Variants in ZCCHC14 observed in about 807,000 individuals in gnomAD.
ZCCHC14 encodes zinc finger CCHC-type containing 14.
In ZCCHC14, 16 loss-of-function variants were observed where a neutral mutation model predicts 85.0. That is an observed-to-expected ratio of 0.19 (90% confidence interval 0.13 to 0.29). The LOEUF (loss-of-function observed/expected upper bound fraction) is 0.29. Among genes scored for constraint, ZCCHC14 ranks in the 10% least tolerant of loss-of-function variants. The pLI, the probability that ZCCHC14 is intolerant of heterozygous loss-of-function variation, is 1.00. For missense variants in ZCCHC14, 1,303 were observed against 1,443.5 expected (o/e 0.90, Z 1.58); for synonymous variants, 775 against 630.7 (o/e 1.23, Z -3.43).
At position 87,411,837 on chromosome 16, in the gene ZCCHC14, A is replaced by G. The variant is rs1234236737; in HGVS notation, c.2884T>C (p.Leu962=). Residue 962 remains leucine, a synonymous_variant, in exon 12 of 13, where the codon TTG becomes CTG. Transcript: ENST00000671377. ...CTGCTGCACATGGGACTGAAGGGCA[A>G]GAAGGGGAAGGTGAACACGGACGGA... ...SGPSVFTFPF[L]PFSPMCSSGY... 4.3e-6 allele frequency: 7 copies of G among 1,610,688 alleles called. No individual in the cohort carries two copies. Among genetic ancestry groups the G allele is most frequent in the African/African-American group, 2.7e-5 (2 of 74,860 alleles).
chr16:87,445,338 T>C (rs1181914481), intron 2 of ZCCHC14, among the ~76,000 whole-genome samples: 1 of 152,210 alleles, frequency 6.6e-6, no homozygotes, highest in African/African-American at 2.4e-5. Flanking sequence ...GTGCTGCGAT[T>C]ACAGGCGTGA....
At position 87,408,031 on chromosome 16, in the gene ZCCHC14, C is replaced by A. The variant is rs939819545; in HGVS notation, c.*2249G>T. On this transcript the variant is annotated 3_prime_UTR_variant, in exon 13 of 13. Transcript: ENST00000671377. Reference sequence around the variant, plus strand: ...AAGACGACTGGCAGCTCCGCAGAGGCCTTCGCTGCTGGGAACACAGCCGTG... The same window carrying A: ...AAGACGACTGGCAGCTCCGCAGAGGACTTCGCTGCTGGGAACACAGCCGTG... 5 of 152,650 alleles carry A rather than the reference C, an allele frequency of 3.3e-5. No homozygotes were observed. The highest frequency in any genetic ancestry group is 4.8e-5 in the African/African-American group (2 of 41,448). 9.5% of individuals were successfully genotyped at this position (152,650 alleles called of 1,614,324 possible). A position where few individuals can be genotyped will look rare whatever the true frequency, so the allele number is the denominator to read the frequency against.
intron 1 of ZCCHC14, among the ~76,000 whole-genome samples, chr16:87,466,491 G>A (rs1426251127): frequency 6.6e-6 from 1 of 152,218 alleles, no homozygotes; most frequent in Non-Finnish European, 1.5e-5. Flanking sequence ...CTCTCTGGCA[G>A]TTCGATGACA....
At chr16:87,430,646 C>G (rs1485704337) in intron 3 of ZCCHC14, among the ~76,000 whole-genome samples, 1 of 151,932 alleles carries the variant, frequency 6.6e-6, no homozygotes, top group African/African-American at 2.4e-5. Context: ...CTCAGCCTCC[C>G]GAGTAGCTGG....
intron 1 of ZCCHC14, among the ~76,000 whole-genome samples, chr16:87,478,950 A>T (rs1358436294): frequency 1.3e-5 from 2 of 152,180 alleles, no homozygotes; most frequent in Admixed American, 1.3e-4. Flanking sequence ...ATTATGCTCA[A>T]GCTTCTAAAT....
At chr16:87,418,552 C>A (rs909582303) in intron 7 of ZCCHC14, among the ~76,000 whole-genome samples, 1 of 152,238 alleles carries the variant, frequency 6.6e-6, no homozygotes, top group African/African-American at 2.4e-5. Flanking sequence ...CGACCCTATG[C>A]TTCTGGGAGC....
Position 87,459,995 on chromosome 16 carries a change from T to C in ZCCHC14, c.694+13A>G, listed in dbSNP as rs1344939913. 3 of 1,613,972 alleles carry C rather than the reference T, an allele frequency of 1.9e-6. No homozygotes were observed. Among genetic ancestry groups the C allele is most frequent in the Non-Finnish European group, 2.5e-6 (3 of 1,179,986 alleles). On this transcript the variant is annotated intron_variant, in intron 2 of 12. Coordinates refer to ENST00000671377, the MANE Select transcript of ZCCHC14 (RefSeq NM_015144.3). ...CCGTCAGACGTCCTCCTGAAACCCG[T>C]GCGTGCACTCACCTTTGCTGTGTTT...
Position 87,442,183 on chromosome 16 carries a change from G to C in ZCCHC14, c.695-8982C>G, listed in dbSNP as rs530592425. ...ATCTGAACTGCCGAACACACCTCCA[G>C]CAGAGTCTGAGGCTGGACGGCAAGC... On this transcript the variant is annotated intron_variant, in intron 2 of 12. Transcript: ENST00000671377. Among the ~76,000 whole-genome samples the C allele has an allele frequency of 5.3e-5, 8 of 152,216 alleles. No homozygotes were observed. The South Asian group carries it at 1.4e-3, about 28-fold the overall frequency.
chr16:87,426,832 C>G (rs1318803238), intron 3 of ZCCHC14, among the ~76,000 whole-genome samples: 1 of 152,246 alleles, frequency 6.6e-6, no homozygotes, highest in Admixed American at 6.5e-5. Context: ...CATCAATATT[C>G]TTACTAAGCT....
intron 2 of ZCCHC14, among the ~76,000 whole-genome samples, chr16:87,459,256 C>G (rs1489179209): frequency 6.6e-6 from 1 of 152,156 alleles, no homozygotes; most frequent in Non-Finnish European, 1.5e-5. Context: ...ACTCCGTCAC[C>G]ACAGAGAGCG....
chr16:87,443,863 C>G (rs1597423829), intron 2 of ZCCHC14, among the ~76,000 whole-genome samples: 1 of 152,002 alleles, frequency 6.6e-6, no homozygotes, highest in Admixed American at 6.6e-5. Flanking sequence ...ATGGGGAAAC[C>G]CAATCTCTAC....
At position 87,410,246 on chromosome 16, in the gene ZCCHC14, T is replaced by C. The variant is rs200960757; in HGVS notation, c.*34A>G. ...GTATTTAATTTTCCTTATGTCTCCA[T>C]GGCTTAATAACGTTCTGTTGCCAGA... On this transcript the variant is annotated 3_prime_UTR_variant, in exon 13 of 13. Coordinates refer to ENST00000671377, the MANE Select transcript of ZCCHC14 (RefSeq NM_015144.3). 7 of 738,088 alleles carry C rather than the reference T, an allele frequency of 9.5e-6. No homozygotes were observed. Among genetic ancestry groups the C allele is most frequent in the Non-Finnish European group, 1.7e-5 (7 of 401,704 alleles). The allele number at this position is 738,088 out of a possible 1,614,324, so 45.7% of individuals were successfully genotyped here.
chr16:87,488,985 C>T (rs1912633837), intron 1 of ZCCHC14, among the ~76,000 whole-genome samples: 1 of 152,152 alleles, frequency 6.6e-6, no homozygotes, highest in Non-Finnish European at 1.5e-5. Context: ...AAATAAAATA[C>T]AACAGCTTAC....
chr16:87,491,894 G>A lies in ZCCHC14; in HGVS notation c.345C>T (p.Ile115=). The A allele has an allele frequency of 1.3e-6, 2 of 1,533,404 alleles. No homozygotes were observed. The highest frequency in any genetic ancestry group is 1.7e-6 in the Non-Finnish European group (2 of 1,148,216). The allele number at this position is 1,533,404 out of a possible 1,614,324, so 95.0% of individuals were successfully genotyped here. The part of the protein sequence containing the change: ...LYRTLTHIDS[I]IHNYGLQLNE... ...TAAGCTGCAGCCCGTAGTTGTGGATGATGGAGTCGATGTGCGTGAGCGTGC... is the reference window on the plus strand; with the variant it reads ...TAAGCTGCAGCCCGTAGTTGTGGATAATGGAGTCGATGTGCGTGAGCGTGC... Residue 115 remains isoleucine, a synonymous_variant, in exon 1 of 13, where the codon ATC becomes ATT. Coordinates refer to ENST00000671377, the MANE Select transcript of ZCCHC14 (RefSeq NM_015144.3). The surrounding 1 kb of genome is among the most constrained non-coding windows in gnomAD (Gnocchi z 5.9).
chr16:87,470,661 C>T (rs1911736351), intron 1 of ZCCHC14: 1 of 152,180 alleles, frequency 6.6e-6, no homozygotes, highest in Admixed American at 6.5e-5. Flanking sequence ...AAACAAACAA[C>T]ATAAACATCC....
intron 1 of ZCCHC14, among the ~76,000 whole-genome samples, chr16:87,469,750 A>G (rs1911695826): frequency 6.6e-6 from 1 of 152,142 alleles, no homozygotes; most frequent in African/African-American, 2.4e-5. Context: ...GGCACCGGCA[A>G]CTGGGCCTCC....
intron 2 of ZCCHC14, among the ~76,000 whole-genome samples, chr16:87,455,347 A>G (rs541931891): frequency 4.0e-5 from 6 of 151,816 alleles, no homozygotes; most frequent in African/African-American, 1.4e-4. Flanking sequence ...AGGAGATACC[A>G]TGAGCTGGCC....
Position 87,412,020 on chromosome 16 carries a change from G to GGTC in ZCCHC14, c.2700_2701insGAC (p.His900_His901insAsp). 1 of 1,609,382 alleles carries GGTC rather than the reference G, an allele frequency of 6.2e-7. No individual in the cohort carries two copies. Among genetic ancestry groups the GGTC allele is most frequent in the African/African-American group, 1.3e-5 (1 of 75,016 alleles). On this transcript the variant is annotated inframe_insertion, in exon 12 of 13. Transcript: ENST00000671377. ...GGCTGCTGATGGTGGTGGTGGTGGT[G>GGTC]GTGGTTCGGATTCGAGGCAGGAATG...
At chr16:87,477,926 A>G (rs1166871877) in intron 1 of ZCCHC14, among the ~76,000 whole-genome samples, 1 of 149,782 alleles carries the variant, frequency 6.7e-6, no homozygotes, top group Admixed American at 6.6e-5. Flanking sequence ...CCCTCACCGC[A>G]CACACCTGGG....
Sources: gnomAD v4.1 joint callset for allele counts (sites outside exome capture counted in the v4.1 genomes callset) on GRCh38, gnomAD v4.1.1 for gene constraint, Gnocchi (gnomAD v3.1) non-coding constraint, MANE v1.5 for transcripts, NCBI Gene and HGNC (gene_info 2026-07-23, HGNC 2026-07-21) for gene names.